The following PODNL1 variants were observed in gnomAD, a reference collection of about 807,000 sequenced individuals.
The protein encoded by PODNL1 is podocan like 1, also known as podocan-like protein 1.
In PODNL1, 50 loss-of-function variants were observed where a neutral mutation model predicts 45.1. That is an observed-to-expected ratio of 1.11 (90% confidence interval 0.88 to 1.40). The LOEUF (loss-of-function observed/expected upper bound fraction) is 1.40, where lower values mean the gene tolerates loss of function less well. Among genes scored for constraint, PODNL1 ranks in the 40% most tolerant of loss-of-function variants. PODNL1 has a pLI of 0.00. For missense variants in PODNL1, 788 were observed against 793.3 expected, an observed-to-expected ratio of 0.99 and a Z score of 0.08; for synonymous variants, 406 against 372.5, an observed-to-expected ratio of 1.09 and a Z score of -1.04.
In PODNL1 at chr19:13,933,191, G is replaced by T; in HGVS notation, c.1032C>A (p.Arg344=). 1 of 1,535,222 alleles carries T rather than the reference G, an allele frequency of 6.5e-7. No homozygotes were observed. Among genetic ancestry groups the T allele is most frequent in the Non-Finnish European group, 8.7e-7 (1 of 1,145,768 alleles). ...TLHLYGNGLD[R]VPPALPRRLR... ...GGCGGCGGGGCAGGGCTGGAGGCAC[G>T]CGGTCCAGCCCATTGCCATAGAGGT... The change falls in exon 8 of 10, where the codon CGC becomes CGA. Residue 344 remains arginine (R), a synonymous_variant. Transcript: ENST00000588872. This position sits in a 1 kb window ranked among gnomAD's most constrained non-coding sequence, Gnocchi z 5.2.
rs767118816 is a variant in PODNL1 at position 13,933,336 on chromosome 19, T to G, written c.887A>C (p.Glu296Ala). ...ACGCGCCCCGTGCAGCCGAGCCGCC[T>G]CCACCTGCCGGATGCGGTTGCGGCC... ...HLGRNRIRQV[E>A]AARLHGARGL... The change falls in exon 8 of 10, where the codon GAG (glutamate) becomes GCG (alanine). Residue 296 changes from glutamate to alanine, a missense_variant. Around this residue, in one of 3 missense-constraint regions of PODNL1, gnomAD observed 762 missense variants for 750.9 expected, o/e 1.01. Transcript: ENST00000588872. The surrounding 1 kb of genome is among the most constrained non-coding windows in gnomAD (Gnocchi z 5.2). 5.6e-5 allele frequency: 90 copies of G among 1,604,868 alleles called. No homozygotes were observed. The highest frequency in any genetic ancestry group is 3.7e-4 in the Admixed American group (22 of 59,536).
chr19:13,936,609 G>C (rs568619202), intron 2 of PODNL1, 149 bp from the exon 3 acceptor site: 20 of 601,052 alleles, frequency 3.3e-5, no homozygotes, highest in African/African-American at 2.5e-4. Flanking sequence ...CTCTGACCCA[G>C]TCTTATAACT....
At position 13,936,478 on chromosome 19, in the gene PODNL1, G is replaced by T; in HGVS notation, c.226-18C>A. On this transcript the variant is annotated intron_variant, in intron 2 of 9. Coordinates refer to ENST00000588872, the MANE Select transcript of PODNL1 (RefSeq NM_001370095.3). ...TGGTTGTTCTGCAGGGTGAGAGTTG[G>T]GGTGTTCACACCCGTGACCCCGTGA... 6.3e-7 allele frequency: 1 copy of T among 1,598,358 alleles called. No homozygotes were observed. The highest frequency in any genetic ancestry group is 1.1e-5 in the South Asian group (1 of 90,730).
chr19:13,935,219 G>A (rs930681764), intron 5 of PODNL1, among the ~76,000 whole-genome samples: 10 of 152,088 alleles, frequency 6.6e-5, no homozygotes, highest in African/African-American at 2.4e-4. Context: ...ACAGGGCCCT[G>A]TCTCCCCGCT....
At position 13,935,759 on chromosome 19, in the gene PODNL1, C is replaced by T. The variant is rs140598542; in HGVS notation, c.456G>A (p.Glu152=). The stretch of plus-strand genomic sequence containing the variant: ...TCTCCCCAAAGGTGAGGGGGAAGAT[C>T]TCCATCACTTGGTTGGCAGCCAGAT... ...VADLAANQVM[E]IFPLTFGEKP... Residue 152 remains glutamate (E), a synonymous_variant, in exon 5 of 10, where the codon GAG becomes GAA. Transcript: ENST00000588872. 1.5e-4 allele frequency: 242 copies of T among 1,594,166 alleles called. No individual in the cohort carries two copies. Among genetic ancestry groups the T allele is most frequent in the African/African-American group, 4.3e-4 (32 of 73,650 alleles).
chr19:13,946,688 A>T (rs1972825531), intron 1 of PODNL1, among the ~76,000 whole-genome samples: 2 of 152,114 alleles, frequency 1.3e-5, no homozygotes, highest in Admixed American at 1.3e-4. Flanking sequence ...ATGCACCTGT[A>T]TAGTTGGGTT....
Position 13,932,056 on chromosome 19 carries a change from G to A in PODNL1, c.1482C>T (p.Ala494=). The A allele has an allele frequency of 8.1e-7, 1 of 1,232,538 alleles. No individual in the cohort carries two copies. Among genetic ancestry groups the A allele is most frequent in the Non-Finnish European group, 1.0e-6 (1 of 988,260 alleles). 76.4% of individuals were successfully genotyped at this position (1,232,538 alleles called of 1,614,324 possible). Residue 494 remains alanine, a synonymous_variant, in exon 9 of 10, where the codon GCC becomes GCT. Coordinates refer to ENST00000588872, the MANE Select transcript of PODNL1 (RefSeq NM_001370095.3). ...LSFVPPDLPE[A]LEELHLEGNR... ...TGCCCTCGAGGTGCAGCTCCTCTAG[G>A]GCCTCAGGCAGGTCCGGGGGCACAA...
rs565170663 is a variant in PODNL1, at chr19:13,944,839, G to A, written c.19-6833C>T. On this transcript the variant is annotated intron_variant, in intron 1 of 7. Transcript: ENST00000538371. ...CACCCAGGCTGGAGTCCAGTGGCAC[G>A]ATCTCGGCTCACTGCGACCTCTGCC... Among the ~76,000 whole-genome samples the A allele has an allele frequency of 1.2e-4, 18 of 151,966 alleles. 1 individual carries two copies. In the South Asian group the frequency reaches 3.5e-3, roughly 30 times the overall value.
In PODNL1 at chr19:13,938,188, C is replaced by G. The variant is rs773621468; in HGVS notation, c.-7G>C. On this transcript the variant is annotated 5_prime_UTR_variant, in exon 1 of 10. Transcript: ENST00000588872. ...CCGTGCCCCACCTTACCATGGCCAGCCCTGACTCTGCCATCTCGCCCAAGC... is the reference window on the plus strand; with the variant it reads ...CCGTGCCCCACCTTACCATGGCCAGGCCTGACTCTGCCATCTCGCCCAAGC... 1 of 1,607,918 alleles carries G rather than the reference C, an allele frequency of 6.2e-7. No homozygotes were observed. Among genetic ancestry groups the G allele is most frequent in the African/African-American group, 1.3e-5 (1 of 74,836 alleles).
chr19:13,938,420 C>T (rs1972527562), upstream of PODNL1: 1 of 1,311,744 alleles, frequency 7.6e-7, no homozygotes, highest in Non-Finnish European at 9.7e-7. Flanking sequence ...GCCAGCCCGT[C>T]CCCTTGGTCC....
At chr19:13,935,527 A>G (rs1284335897) in intron 5 of PODNL1, among the ~76,000 whole-genome samples, 194 bp downstream of exon 5, 1 of 151,854 alleles carries the variant, frequency 6.6e-6, no homozygotes, top group Non-Finnish European at 1.5e-5. Context: ...GGGTTTCATC[A>G]TGTTGGCCAG....
At chr19:13,943,022 G>A (rs780727866), upstream of PODNL1, among the ~76,000 whole-genome samples, 1 of 149,866 alleles carries the variant, frequency 6.7e-6, no homozygotes, top group Non-Finnish European at 1.5e-5. Flanking sequence ...AAAGGGCCAG[G>A]CACGGTGTCT....
At chr19:13,935,105 T>G (rs1972253025) in intron 5 of PODNL1, among the ~76,000 whole-genome samples, 1 of 151,734 alleles carries the variant, frequency 6.6e-6, no homozygotes, top group African/African-American at 2.4e-5. Flanking sequence ...CATGTGTTCA[T>G]GTGGTTGTGT....
Position 13,936,432 on chromosome 19 carries a change from T to C in PODNL1, c.254A>G (p.Asn85Ser), listed in dbSNP as rs764157544. 6.2e-6 allele frequency: 10 copies of C among 1,613,426 alleles called. No homozygotes were observed. The highest frequency in any genetic ancestry group is 5.0e-5 in the Admixed American group (3 of 59,964). Residue 85 changes from asparagine to serine, a missense_variant, in exon 3 of 10, where the codon AAT becomes AGT. This residue lies in a region of PODNL1 where 762 missense variants were observed against 750.9 expected (regional missense o/e 1.01). Coordinates refer to ENST00000588872, the MANE Select transcript of PODNL1 (RefSeq NM_001370095.3). ...QNNQLQELPY[N>S]ELSRLSGLRT... ...CAGGCCACTGAGGCGGGACAGCTCA[T>C]TGTAGGGGAGTTCCTGGAGCTGGTT...
At chr19:13,941,272 A>C (rs1338428924), upstream of PODNL1, among the ~76,000 whole-genome samples, 1 of 150,706 alleles carries the variant, frequency 6.6e-6, no homozygotes, top group African/African-American at 2.4e-5. Flanking sequence ...AGGCTAATGC[A>C]GGAGAATTGC....
At position 13,937,859 on chromosome 19, in the gene PODNL1, C is replaced by T; in HGVS notation, c.151G>A (p.Val51Met). ...LRCSCPRVDT[V>M]DCDGLDLRVF... ...CGAAGGTCCAAGCCATCACAGTCCA[C>T]AGTGTCGACTCGGGGGCAGGAGCAG... The change falls in exon 2 of 10, where the codon GTG (valine) becomes ATG (methionine). Residue 51 changes from valine (V) to methionine (M), a missense_variant. Val to Met is a conservative substitution (Grantham distance 21, BLOSUM62 1). Around this residue, in one of 3 missense-constraint regions of PODNL1, gnomAD observed 762 missense variants for 750.9 expected, o/e 1.01. Coordinates refer to ENST00000588872, the MANE Select transcript of PODNL1 (RefSeq NM_001370095.3). 1 of 1,591,872 alleles carries T rather than the reference C, an allele frequency of 6.3e-7. No individual in the cohort carries two copies. Among genetic ancestry groups the T allele is most frequent in the Non-Finnish European group, 8.5e-7 (1 of 1,170,656 alleles).
intron 1 of PODNL1, among the ~76,000 whole-genome samples, chr19:13,944,308 C>A (rs1972748952): frequency 6.6e-6 from 1 of 151,838 alleles, no homozygotes; most frequent in Non-Finnish European, 1.5e-5. Flanking sequence ...ACTACAGGCA[C>A]CCGCCACCAT....
At chr19:13,934,630 CGT>C (rs1568433249) in intron 5 of PODNL1, among the ~76,000 whole-genome samples, 3 of 150,874 alleles carry the variant, frequency 2.0e-5, no homozygotes, top group East Asian at 2.0e-4. Context: ...TATGAATAGA[CGT>C]GTGTGCATGT....
In PODNL1 at chr19:13,931,848, G is replaced by A; in HGVS notation, c.1614C>T (p.Ala538=). 8.1e-7 allele frequency: 1 copy of A among 1,231,966 alleles called. No individual in the cohort carries two copies. Among genetic ancestry groups the A allele is most frequent in the South Asian group, 4.1e-5 (1 of 24,320 alleles). The allele number at this position is 1,231,966 out of a possible 1,614,324, so 76.3% of individuals were successfully genotyped here. The change falls in exon 10 of 10, where the codon GCC becomes GCT. Residue 538 remains alanine, a synonymous_variant. Coordinates refer to ENST00000588872, the MANE Select transcript of PODNL1 (RefSeq NM_001370095.3). Reference sequence around the variant, plus strand: ...CACGCAGGTTTGGGAGCCCCAGGAAGGCCTCAGCCGCGATGCTCGTCATGT... The same window carrying A: ...CACGCAGGTTTGGGAGCCCCAGGAAAGCCTCAGCCGCGATGCTCGTCATGT... ...RLHMTSIAAE[A]FLGLPNLRVV...
Sources: allele counts gnomAD v4.1 joint callset (sites outside exome capture counted in the v4.1 genomes callset), GRCh38; gene constraint gnomAD v4.1.1; regional missense constraint gnomAD v4.1.1; non-coding constraint Gnocchi (gnomAD v3.1); transcripts MANE v1.5; gene names NCBI Gene and HGNC (gene_info 2026-07-23, HGNC 2026-07-21).